Variants in FAM221A observed in about 807,000 individuals in gnomAD.
FAM221A encodes the protein protein FAM221A.
A neutral mutation model predicts 37.6 loss-of-function variants in FAM221A; 43 were observed. The ratio of observed to expected loss-of-function variants is 1.15; its 90% confidence interval spans 0.90 to 1.48. The LOEUF (loss-of-function observed/expected upper bound fraction) is 1.48. FAM221A is among the 40% of genes most tolerant of loss of function. The probability of loss-of-function intolerance (pLI) is 0.00; values close to 1 mark genes in which losing one functional copy is unlikely to be tolerated. For missense variants in FAM221A, 361 were observed against 361.5 expected (o/e 1.00, Z 0.01); for synonymous variants, 135 against 132.9 (o/e 1.02, Z -0.11).
chr7:23,681,927 T>C (rs1420277359), intron 1 of FAM221A, among the ~76,000 whole-genome samples: 1 of 152,124 alleles, frequency 6.6e-6, no homozygotes, highest in Non-Finnish European at 1.5e-5. Context: ...CTGGATTTGC[T>C]CTTGCCTAGG....
intron 5 of FAM221A, among the ~76,000 whole-genome samples, chr7:23,699,689 G>A (rs1006586039): frequency 5.3e-5 from 8 of 151,680 alleles, no homozygotes; most frequent in African/African-American, 1.7e-4. Flanking sequence ...CTATAGGGAT[G>A]CACCACCATG....
At chr7:23,691,622 G>T (rs756931535) in intron 4 of FAM221A, 26 bp downstream of exon 4, 1 of 1,592,740 alleles carries the variant, frequency 6.3e-7, no homozygotes, top group Non-Finnish European at 8.6e-7. Context: ...TGAAATGTGA[G>T]CCCATTGTAT....
At position 23,702,387 on chromosome 7, in the gene FAM221A, A is replaced by G. The variant is rs1164128995; in HGVS notation, c.*223A>G. On this transcript the variant is annotated 3_prime_UTR_variant, in exon 7 of 7. Transcript: ENST00000344962. ...TATGTACCTTTCTTTCTCCTGACAAATGAGGTTATTTTATATGAGTCTGTC... is the reference window on the plus strand; with the variant it reads ...TATGTACCTTTCTTTCTCCTGACAAGTGAGGTTATTTTATATGAGTCTGTC... 2 of 299,690 alleles carry G rather than the reference A, an allele frequency of 6.7e-6. No individual in the cohort carries two copies. Among genetic ancestry groups the G allele is most frequent in the Non-Finnish European group, 1.3e-5 (2 of 159,592 alleles). The allele number at this position is 299,690 out of a possible 1,614,324, so 18.6% of individuals were successfully genotyped here.
chr7:23,689,183 C>A (rs111811762), intron 2 of FAM221A, 86 bp from the exon 3 acceptor site: 1 of 867,186 alleles, frequency 1.2e-6, no homozygotes, highest in South Asian at 2.9e-5. Flanking sequence ...ATTAAAAAAT[C>A]ATATCTGCCT....
chr7:23,683,289 A>G (rs1481051463), intron 1 of FAM221A, among the ~76,000 whole-genome samples: 2 of 152,176 alleles, frequency 1.3e-5, no homozygotes, highest in East Asian at 3.9e-4. Context: ...ATGTTTTCCC[A>G]TAATATTTTG....
chr7:23,690,186 TATATATATA>T (rs1471598355), intron 3 of FAM221A, among the ~76,000 whole-genome samples: 1 of 54,706 alleles, frequency 1.8e-5, no homozygotes, highest in Admixed American at 2.2e-4. Context: ...TATATATATA[TATATATATA>T]TATATTTTTT....
intron 1 of FAM221A, among the ~76,000 whole-genome samples, chr7:23,683,689 T>C (rs1018034261): frequency 2.0e-5 from 3 of 152,150 alleles, no homozygotes; most frequent in Non-Finnish European, 4.4e-5. Flanking sequence ...ATATAGGAAG[T>C]GGAGGGGAGA....
At chr7:23,701,238 C>CTTTT (rs1386533372) in intron 6 of FAM221A, among the ~76,000 whole-genome samples, 1 of 52,222 alleles carries the variant, frequency 1.9e-5, no homozygotes, top group Non-Finnish European at 4.7e-5. Context: ...TTTGAATTCT[C>CTTTT]TTTTTTTTTT....
At chr7:23,683,164 G>C (rs1191467632) in intron 1 of FAM221A, among the ~76,000 whole-genome samples, 1 of 152,166 alleles carries the variant, frequency 6.6e-6, no homozygotes, top group Non-Finnish European at 1.5e-5. Flanking sequence ...TTTTCAAGGG[G>C]AGTATTTTCA....
chr7:23,685,223 G>A (rs1175740750), intron 2 of FAM221A, among the ~76,000 whole-genome samples: 1 of 152,022 alleles, frequency 6.6e-6, no homozygotes, highest in Non-Finnish European at 1.5e-5. Flanking sequence ...ACACCAGCCT[G>A]AGTGGCAGTG....
intron 5 of FAM221A, among the ~76,000 whole-genome samples, chr7:23,698,503 C>T (rs953926015): frequency 6.6e-6 from 1 of 152,112 alleles, no homozygotes; most frequent in Admixed American, 6.5e-5. Context: ...TAGCTAACTC[C>T]GAGAATGTCG....
downstream of FAM221A, chr7:23,703,184 C>T (rs1785553059): frequency 6.6e-6 from 1 of 152,084 alleles, no homozygotes; most frequent in Non-Finnish European, 1.5e-5. Flanking sequence ...TTTCCTTTTC[C>T]ACTCCTCTAC....
intron 4 of FAM221A, chr7:23,694,827 T>A (rs1387276492): frequency 6.6e-6 from 1 of 152,228 alleles, no homozygotes; most frequent in Admixed American, 6.5e-5. Flanking sequence ...TTAGTTAATA[T>A]TTATGACTTC....
intron 5 of FAM221A, among the ~76,000 whole-genome samples, chr7:23,699,845 T>C (rs1298329009): frequency 1.3e-5 from 2 of 152,096 alleles, no homozygotes; most frequent in Admixed American, 6.6e-5. Context: ...CCTGGCCTGA[T>C]AGTCACCTTT....
intron 3 of FAM221A, among the ~76,000 whole-genome samples, chr7:23,690,806 C>T (rs1562522530): frequency 6.6e-6 from 1 of 152,174 alleles, no homozygotes; most frequent in Non-Finnish European, 1.5e-5. Context: ...CTAGGCAACC[C>T]ATAATCTACT....
chr7:23,680,382 T>C (rs1245117016), intron 1 of FAM221A, 99 bp downstream of exon 1: 2 of 921,836 alleles, frequency 2.2e-6, no homozygotes, highest in South Asian at 1.7e-5. Flanking sequence ...TCCGCGGGGG[T>C]TCCCGGAATC....
chr7:23,694,763 A>C (rs1584276843), intron 4 of FAM221A: 1 of 152,214 alleles, frequency 6.6e-6, no homozygotes, highest in Non-Finnish European at 1.5e-5. Context: ...ATTGTTGGCT[A>C]TTTGTGTACA....
At chr7:23,680,327 G>A (rs1783953429) in intron 1 of FAM221A, 44 bp downstream of exon 1, 2 of 1,479,618 alleles carry the variant, frequency 1.4e-6, no homozygotes, top group East Asian at 5.1e-5. Context: ...GCTCCGAGGG[G>A]CCAGGATCCC....
At chr7:23,690,201 T>TATATATA (rs1562522045) in intron 3 of FAM221A, among the ~76,000 whole-genome samples, 80 of 38,478 alleles carry the variant, frequency 2.1e-3, no homozygotes, top group East Asian at 3.7e-3. Context: ...ATATATATAT[T>TATATATA]TTTTTTTTTT....
Sources: gnomAD v4.1 joint callset for allele counts (sites outside exome capture counted in the v4.1 genomes callset) on GRCh38, gnomAD v4.1.1 for gene constraint, MANE v1.5 for transcripts, NCBI Gene and HGNC (gene_info 2026-07-23, HGNC 2026-07-21) for gene names.